The following LIPA variants were observed in gnomAD, a reference collection of about 807,000 sequenced individuals.
LIPA encodes lipase A, lysosomal acid type, also known as lysosomal acid lipase/cholesteryl ester hydrolase.
A neutral mutation model predicts 40.6 loss-of-function variants in LIPA; 26 were observed. That is an observed-to-expected ratio of 0.64 (90% confidence interval 0.47 to 0.89). LIPA has a LOEUF of 0.89. Ranked by LOEUF, LIPA falls within the 40% of genes least tolerant of loss-of-function variation. The pLI is 0.00. For synonymous variants in LIPA, 188 were observed against 168.4 expected (o/e 1.12, Z -0.90); for missense variants, 455 against 479.6 (o/e 0.95, Z 0.48).
intron 2 of LIPA, among the ~76,000 whole-genome samples, chr10:89,359,133 C>T (rs145818292): frequency 3.9e-5 from 6 of 152,276 alleles, no homozygotes; most frequent in Admixed American, 2.0e-4. Flanking sequence ...AGCAGCCCAA[C>T]CCGTCCGTGA....
chr10:89,306,083 G>C, intron 1 of LIPA: 1 of 1,614,150 alleles, frequency 6.2e-7, no homozygotes, highest in African/African-American at 1.3e-5. Flanking sequence ...TTACCGGACT[G>C]AGTTTCAGAA....
chr10:89,273,597 A>G (rs1368057411), intron 1 of LIPA, among the ~76,000 whole-genome samples: 1 of 152,202 alleles, frequency 6.6e-6, no homozygotes, highest in Non-Finnish European at 1.5e-5. Flanking sequence ...TGAATTGGGG[A>G]GCTGTGAGGA....
At chr10:89,318,328 T>C (rs1445047991) in intron 1 of LIPA, among the ~76,000 whole-genome samples, 1 of 152,120 alleles carries the variant, frequency 6.6e-6, no homozygotes, top group East Asian at 1.9e-4. Flanking sequence ...AGCCATCTCA[T>C]GGCAGAGACA....
At chr10:89,242,864 ACT>A (rs1216212539) in intron 3 of LIPA, among the ~76,000 whole-genome samples, 1 of 152,088 alleles carries the variant, frequency 6.6e-6, no homozygotes, top group East Asian at 1.9e-4. Flanking sequence ...ATGGCTCAAG[ACT>A]CTCTCAGCTG....
chr10:89,384,531 G>C, intron 2 of LIPA: 1 of 1,613,996 alleles, frequency 6.2e-7, no homozygotes, highest in South Asian at 1.1e-5. Flanking sequence ...TAAAAGGTTT[G>C]AAAATAGAAA....
intron 2 of LIPA, among the ~76,000 whole-genome samples, chr10:89,386,629 C>T (rs1470883910): frequency 1.3e-5 from 2 of 152,176 alleles, no homozygotes; most frequent in Non-Finnish European, 2.9e-5. Flanking sequence ...AGACAATGTT[C>T]TTCTAACTGG....
At chr10:89,260,056 C>T (rs1843199737) in intron 1 of LIPA, among the ~76,000 whole-genome samples, 1 of 152,120 alleles carries the variant, frequency 6.6e-6, no homozygotes, top group Non-Finnish European at 1.5e-5. Context: ...TGTCATACTT[C>T]GATAAGCCTA....
intron 3 of LIPA, among the ~76,000 whole-genome samples, chr10:89,233,204 A>G (rs1255740842): frequency 6.6e-6 from 1 of 152,238 alleles, no homozygotes; most frequent in Non-Finnish European, 1.5e-5. Context: ...ACAGGCACAA[A>G]AGATGCAGCA....
At chr10:89,383,995 C>A (rs767590809) in intron 2 of LIPA, 5 of 1,614,192 alleles carry the variant, frequency 3.1e-6, no homozygotes, top group Admixed American at 3.3e-5. Context: ...CCTGAAGCTT[C>A]AGGATGAAGG....
intron 1 of LIPA, among the ~76,000 whole-genome samples, chr10:89,290,900 T>C (rs1437417515): frequency 1.3e-5 from 2 of 152,234 alleles, no homozygotes; most frequent in African/African-American, 4.8e-5. Flanking sequence ...AGAGTGAAAC[T>C]ATATAAAATA....
intron 2 of LIPA, chr10:89,378,002 A>T (rs1413001479): frequency 1.2e-6 from 1 of 855,976 alleles, no homozygotes; most frequent in Non-Finnish European, 1.9e-6. Flanking sequence ...GGGTGTAAAA[A>T]ACTGCCTGGA....
At chr10:89,236,411 C>T (rs1045657650) in intron 3 of LIPA, among the ~76,000 whole-genome samples, 11 of 152,214 alleles carry the variant, frequency 7.2e-5, no homozygotes, top group Admixed American at 5.2e-4. Context: ...GTAAATTGCA[C>T]ATTGCAGTAA....
At chr10:89,330,830 A>G (rs1386058491) in intron 1 of LIPA, among the ~76,000 whole-genome samples, 1 of 152,206 alleles carries the variant, frequency 6.6e-6, no homozygotes, top group East Asian at 1.9e-4. Flanking sequence ...AAATACCTCT[A>G]TGACAGCACT....
intron 6 of LIPA, 129 bp from the exon 7 acceptor site, chr10:89,223,959 C>T (rs1842735063): frequency 2.3e-6 from 2 of 868,290 alleles, no homozygotes; most frequent in Non-Finnish European, 3.8e-6. Context: ...AGAATGGCAA[C>T]CAGTGGACAT....
In LIPA at chr10:89,214,862, T is replaced by A; in HGVS notation, c.1166A>T (p.Asn389Ile). The A allele has an allele frequency of 1.9e-6, 3 of 1,611,290 alleles. No individual in the cohort carries two copies. The highest frequency in any genetic ancestry group is 1.7e-6 in the Non-Finnish European group (2 of 1,177,452). Residue 389 changes from asparagine (N) to isoleucine (I), a missense_variant, in exon 10 of 10, where the codon AAT becomes ATT. By Grantham distance (149) the Asn-to-Ile change is moderately radical. Transcript: ENST00000336233. The part of the protein sequence containing the change: ...WGLDAPWRLY[N>I]KIINLMRKYQ ...TTTCCTCATTAGATTAATAATTTTA[T>A]TATAAAGCCTCCAAGGGGCATCCAG...
chr10:89,280,543 T>C (rs1843309718), intron 1 of LIPA, among the ~76,000 whole-genome samples: 1 of 152,236 alleles, frequency 6.6e-6, no homozygotes, highest in African/African-American at 2.4e-5. Context: ...TCTAATTTTG[T>C]GATCTGCCAT....
intron 1 of LIPA, among the ~76,000 whole-genome samples, chr10:89,322,362 G>A (rs948928664): frequency 2.0e-5 from 3 of 152,094 alleles, no homozygotes; most frequent in Non-Finnish European, 2.9e-5. Flanking sequence ...TCAGGGATTC[G>A]GGATCCTTCA....
chr10:89,342,364 T>G (rs553449116), intron 1 of LIPA: 1 of 152,310 alleles, frequency 6.6e-6, no homozygotes, highest in East Asian at 1.9e-4. Context: ...AGGGACCTAC[T>G]TGCTTCCTTA....
At chr10:89,394,806 T>C (rs1364762403) in intron 2 of LIPA, among the ~76,000 whole-genome samples, 1 of 151,948 alleles carries the variant, frequency 6.6e-6, no homozygotes, top group Non-Finnish European at 1.5e-5. Context: ...TCTCGCTATG[T>C]GGAGAAACTG....
Sources: allele counts gnomAD v4.1 joint callset (sites outside exome capture counted in the v4.1 genomes callset), GRCh38; gene constraint gnomAD v4.1.1; transcripts MANE v1.5; gene names NCBI Gene and HGNC (gene_info 2026-07-23, HGNC 2026-07-21).